Variants in BCAS3 observed in about 807,000 individuals in gnomAD.
The protein encoded by BCAS3 is BCAS3 microtubule associated cell migration factor.
Under a neutral mutation model 116.1 loss-of-function variants are expected in BCAS3, and 53 were observed. That is an observed-to-expected ratio of 0.46 (90% CI 0.37 to 0.57). The LOEUF (loss-of-function observed/expected upper bound fraction) is 0.57, where lower values mean the gene tolerates loss of function less well. Among genes scored for constraint, BCAS3 ranks in the 20% least tolerant of loss-of-function variants. BCAS3 has a pLI of 0.00. For missense variants in BCAS3, 917 were observed against 1,165.4 expected, an observed-to-expected ratio of 0.79 and a Z score of 3.10; for synonymous variants, 391 against 408.2, an observed-to-expected ratio of 0.96 and a Z score of 0.51.
chr17:61,025,813 G>T (rs545078161), intron 16 of BCAS3, among the ~76,000 whole-genome samples: 41 of 151,676 alleles, frequency 2.7e-4, no homozygotes, highest in Admixed American at 1.3e-4. Flanking sequence ...TATATAATGC[G>T]CTTCAAGCCT....
At chr17:60,904,971 T>A (rs2145075233) in intron 11 of BCAS3, among the ~76,000 whole-genome samples, 1 of 152,328 alleles carries the variant, frequency 6.6e-6, no homozygotes, top group African/African-American at 2.4e-5. Flanking sequence ...TTATGCCTAA[T>A]CTGGTTTGAT....
rs555719465 is a variant in BCAS3 at position 60,994,665 on chromosome 17, C to T, written c.1486+4430C>T. On this transcript the variant is annotated intron_variant, in intron 15 of 23. Coordinates refer to ENST00000407086, the MANE Select transcript of BCAS3 (RefSeq NM_017679.5). The surrounding 1 kb of genome is among the most constrained non-coding windows in gnomAD (Gnocchi z 4.4). Reference sequence around the variant, plus strand: ...GTCTAACCATACCTAGATTTCTGTACCCTTCCCTGAATATGCCACATGTAT... The same window carrying T: ...GTCTAACCATACCTAGATTTCTGTATCCTTCCCTGAATATGCCACATGTAT... Among the ~76,000 whole-genome samples, 111 of 152,288 alleles carry T rather than the reference C, an allele frequency of 7.3e-4. No homozygotes were observed. Among genetic ancestry groups the T allele is most frequent in the African/African-American group, 2.6e-3 (108 of 41,548 alleles).
intron 14 of BCAS3, among the ~76,000 whole-genome samples, chr17:60,970,244 T>C (rs565748420): frequency 4.4e-4 from 67 of 152,194 alleles, no homozygotes; most frequent in African/African-American, 1.5e-3. Flanking sequence ...AGGTTCAACA[T>C]TGCTATACAT....
intron 22 of BCAS3, among the ~76,000 whole-genome samples, chr17:61,194,393 A>G (rs925117370): frequency 6.6e-6 from 1 of 152,180 alleles, no homozygotes; most frequent in African/African-American, 2.4e-5. Flanking sequence ...GACTGAAATT[A>G]TGAGCTGCCT....
chr17:61,194,387 G>A (rs1042100353), intron 22 of BCAS3, among the ~76,000 whole-genome samples: 18 of 152,126 alleles, frequency 1.2e-4, no homozygotes, highest in African/African-American at 4.1e-4. Flanking sequence ...AAAGCTGACT[G>A]AAATTATGAG....
chr17:60,868,239 C>T (rs912403403), intron 7 of BCAS3, among the ~76,000 whole-genome samples: 1 of 151,990 alleles, frequency 6.6e-6, no homozygotes. Context: ...GTTGGCCAGG[C>T]TGGTCTCAAA....
rs573433332 is a variant in BCAS3 at position 61,326,358 on chromosome 17, C to G, written c.2426-41969C>G. Among the ~76,000 whole-genome samples the G allele has an allele frequency of 2.0e-5, 3 of 152,096 alleles. No homozygotes were observed. The highest frequency in any genetic ancestry group is 1.3e-4 in the Admixed American group (2 of 15,266). On this transcript the variant is annotated intron_variant, in intron 22 of 23. Coordinates refer to ENST00000407086, the MANE Select transcript of BCAS3 (RefSeq NM_017679.5). This position sits in a 1 kb window ranked among gnomAD's most constrained non-coding sequence, Gnocchi z 5.3. ...GGGTGGCTGGAGCTCAGCACCTAAG[C>G]GGGACAATAGCCTGGGGTGACTGTG...
In BCAS3 at chr17:61,388,110, C is replaced by T. The variant is rs539150528; in HGVS notation, c.2594-3867C>T. On this transcript the variant is annotated intron_variant, in intron 23 of 23. Transcript: ENST00000407086. This position sits in a 1 kb window ranked among gnomAD's most constrained non-coding sequence, Gnocchi z 6.5. The stretch of plus-strand genomic sequence containing the variant: ...CCCTGGCAGGTTCCTGATGGACTTC[C>T]CCAACAGGTCCACCTCAACCGCAGG... 6.6e-6 allele frequency among the ~76,000 whole-genome samples: 1 copy of T among 152,194 alleles called. No homozygotes were observed. The highest frequency in any genetic ancestry group is 6.5e-5 in the Admixed American group (1 of 15,282).
intron 22 of BCAS3, among the ~76,000 whole-genome samples, chr17:61,318,004 C>A (rs754438159): frequency 2.6e-5 from 4 of 152,178 alleles, no homozygotes; most frequent in Non-Finnish European, 5.9e-5. Flanking sequence ...CGCGTAGGAC[C>A]AACAGTGAAA....
intron 5 of BCAS3, among the ~76,000 whole-genome samples, chr17:60,716,782 A>T (rs1425209525): frequency 6.6e-6 from 1 of 152,196 alleles, no homozygotes; most frequent in Non-Finnish European, 1.5e-5. Flanking sequence ...GAGATCAATA[A>T]AAGTAAGGCT....
Position 60,811,280 on chromosome 17 carries a change from G to A in BCAS3, c.476+3204G>A, listed in dbSNP as rs1598876116. 6 of 920,234 alleles carry A rather than the reference G, an allele frequency of 6.5e-6. No individual in the cohort carries two copies. In the East Asian group the frequency reaches 1.7e-4, roughly 26 times the overall value. The allele number at this position is 920,234 out of a possible 1,614,324, so 57.0% of individuals were successfully genotyped here. On this transcript the variant is annotated intron_variant, in intron 7 of 23. Coordinates refer to ENST00000407086, the MANE Select transcript of BCAS3 (RefSeq NM_017679.5). ...GTAGGAGGCCCTGCTGAACATCAAGGTCAAGCTGGAGACTGAGATCACCAC... is the reference window on the plus strand; with the variant it reads ...GTAGGAGGCCCTGCTGAACATCAAGATCAAGCTGGAGACTGAGATCACCAC...
intron 7 of BCAS3, among the ~76,000 whole-genome samples, chr17:60,823,943 T>G (rs1315788401): frequency 6.6e-6 from 1 of 152,126 alleles, no homozygotes; most frequent in African/African-American, 2.4e-5. Flanking sequence ...ATATTGAATG[T>G]CCCCCTGGAA....
At position 61,256,248 on chromosome 17, in the gene BCAS3, G is replaced by T. The variant is rs1319600361; in HGVS notation, c.2426-112079G>T. On this transcript the variant is annotated intron_variant, in intron 22 of 23. Coordinates refer to ENST00000407086, the MANE Select transcript of BCAS3 (RefSeq NM_017679.5). The surrounding 1 kb of genome is among the most constrained non-coding windows in gnomAD (Gnocchi z 5.6). ...CATCTTCAAGCCAAGAGGTAGTTTG[G>T]TTTTTGTTTGTTTGTTTGTTTGTTT... is the stretch of plus-strand genomic sequence containing the variant. Among the ~76,000 whole-genome samples, 1 of 136,942 alleles carries T rather than the reference G, an allele frequency of 7.3e-6. No homozygotes were observed. The highest frequency in any genetic ancestry group is 1.6e-5 in the Non-Finnish European group (1 of 61,080). The allele number at this position is 136,942 out of a possible 152,430, so 89.8% of individuals were successfully genotyped here.
intron 22 of BCAS3, among the ~76,000 whole-genome samples, chr17:61,253,531 T>A (rs1392733012): frequency 1.3e-5 from 2 of 152,030 alleles, no homozygotes; most frequent in Non-Finnish European, 2.9e-5. Flanking sequence ...TACTACTATT[T>A]CTACAGTTGC....
intron 13 of BCAS3, among the ~76,000 whole-genome samples, chr17:60,928,599 T>C (rs182242861): frequency 1.3e-5 from 2 of 152,350 alleles, no homozygotes; most frequent in East Asian, 3.9e-4. Context: ...CTTACAATTC[T>C]TCTTAATTAT....
At chr17:60,687,147 A>G (rs16969218) in intron 3 of BCAS3, among the ~76,000 whole-genome samples, 7,237 of 152,274 alleles carry the variant, frequency 0.048, 603 homozygotes, top group African/African-American at 0.16. Context: ...TGTGTTAGAA[A>G]CCAGTGTTGA....
intron 19 of BCAS3, among the ~76,000 whole-genome samples, chr17:61,054,514 G>A (rs1472459086): frequency 6.6e-6 from 1 of 152,100 alleles, no homozygotes; most frequent in East Asian, 1.9e-4. Flanking sequence ...CTACAGGTGT[G>A]CACCACCATG....
chr17:60,724,512 G>A (rs188455903), intron 5 of BCAS3, among the ~76,000 whole-genome samples: 1 of 151,496 alleles, frequency 6.6e-6, no homozygotes, highest in Non-Finnish European at 1.5e-5. Context: ...ATCACCTGAG[G>A]TCAGGAGTTC....
intron 22 of BCAS3, among the ~76,000 whole-genome samples, chr17:61,194,353 A>G (rs1302059570): frequency 6.6e-6 from 1 of 152,160 alleles, no homozygotes; most frequent in Non-Finnish European, 1.5e-5. Context: ...TCCAAATCAC[A>G]TCAGTTAATT....
Sources: gnomAD v4.1 joint callset for allele counts (sites outside exome capture counted in the v4.1 genomes callset) on GRCh38, gnomAD v4.1.1 for gene constraint, Gnocchi (gnomAD v3.1) non-coding constraint, MANE v1.5 for transcripts, NCBI Gene and HGNC (gene_info 2026-07-23, HGNC 2026-07-21) for gene names.